The following TAFA2 variants were observed in gnomAD, a reference collection of about 807,000 sequenced individuals.
TAFA2 encodes TAFA chemokine like family member 2, also known as chemokine-like protein TAFA-2.
In TAFA2, 7 loss-of-function variants were observed where a neutral mutation model predicts 18.8. The ratio of observed to expected loss-of-function variants is 0.37; its 90% confidence interval spans 0.21 to 0.70. The LOEUF (loss-of-function observed/expected upper bound fraction) is 0.70, where lower values mean the gene tolerates loss of function less well. Ranked by LOEUF, TAFA2 falls within the 30% of genes least tolerant of loss-of-function variation. The pLI, the probability that TAFA2 is intolerant of heterozygous loss-of-function variation, is 0.53. For missense variants in TAFA2, 122 were observed against 158.1 expected (o/e 0.77, Z 1.23); for synonymous variants, 60 against 54.2 (o/e 1.11, Z -0.47).
At chr12:61,855,763 A>G (rs1873857886) in intron 2 of TAFA2, among the ~76,000 whole-genome samples, 1 of 152,136 alleles carries the variant, frequency 6.6e-6, no homozygotes. Context: ...ATGGCTTATC[A>G]TTGAGGAGAG....
intron 2 of TAFA2, among the ~76,000 whole-genome samples, chr12:61,824,445 T>A (rs551093174): frequency 1.3e-5 from 2 of 152,318 alleles, no homozygotes; most frequent in African/African-American, 4.8e-5. Flanking sequence ...GGTCTCTTCA[T>A]TCCCACATTT....
At chr12:62,254,399 TC>T (rs1405411280) in intron 1 of TAFA2, among the ~76,000 whole-genome samples, 1 of 152,090 alleles carries the variant, frequency 6.6e-6, no homozygotes, top group African/African-American at 2.4e-5. Context: ...CAAATATAGG[TC>T]TTTTTGACTC....
Position 62,055,712 on chromosome 12 carries a change from C to T in TAFA2, c.-2+135547G>A, listed in dbSNP as rs530776036. 1.4e-3 allele frequency among the ~76,000 whole-genome samples: 211 copies of T among 151,980 alleles called. 1 individual carries two copies. The highest frequency in any genetic ancestry group is 2.8e-3 in the Non-Finnish European group (189 of 67,968). ...CAGGTTATAACCTTTTTATAAATCC[C>T]CAGAATCAAAGCAGTGGCTCACAAC... On this transcript the variant is annotated intron_variant, in intron 1 of 4. Transcript: ENST00000416284.
At position 62,132,336 on chromosome 12, in the gene TAFA2, G is replaced by T. The variant is rs11174337; in HGVS notation, c.-2+58923C>A. ...AATGAGTTTCCAGGAGACACTGAGGGTATCTCCCCAGTATCTATTTCCTCT... is the reference window on the plus strand; with the variant it reads ...AATGAGTTTCCAGGAGACACTGAGGTTATCTCCCCAGTATCTATTTCCTCT... On this transcript the variant is annotated intron_variant, in intron 1 of 4. Coordinates refer to ENST00000416284, the MANE Select transcript of TAFA2 (RefSeq NM_178539.5). 9.6e-3 allele frequency among the ~76,000 whole-genome samples: 1,457 copies of T among 151,680 alleles called. 9 individuals carry two copies. Among genetic ancestry groups the T allele is most frequent in the Non-Finnish European group, 0.015 (1,001 of 67,870 alleles).
intron 1 of TAFA2, among the ~76,000 whole-genome samples, chr12:62,097,572 A>C (rs911599675): frequency 6.6e-6 from 1 of 152,192 alleles, no homozygotes; most frequent in Non-Finnish European, 1.5e-5. Flanking sequence ...GCTAGTAAAC[A>C]GTATTGACAT....
At chr12:62,154,908 G>C (rs2464112) in intron 1 of TAFA2, among the ~76,000 whole-genome samples, 147,816 of 152,244 alleles carry the variant, frequency 0.97, 71,888 homozygotes, top group Middle Eastern at 1. Context: ...CCCACTCTCA[G>C]CACTCCTCTT....
chr12:61,930,061 C>T lies in TAFA2; in HGVS notation c.-1-62635G>A, dbSNP rs893809674. ...AGGAGGTCTACCTAATGCTAAATGA[C>T]GAGTTGATGGGCGCAGCACACCAAC... On this transcript the variant is annotated intron_variant, in intron 1 of 4. Transcript: ENST00000416284. Among the ~76,000 whole-genome samples the T allele has an allele frequency of 1.4e-4, 21 of 151,832 alleles. No individual in the cohort carries two copies. In the East Asian group the frequency reaches 1.9e-3, roughly 14 times the overall value.
chr12:61,932,852 C>A (rs1877617270), intron 1 of TAFA2, among the ~76,000 whole-genome samples: 1 of 152,188 alleles, frequency 6.6e-6, no homozygotes, highest in Admixed American at 6.5e-5. Context: ...GAGCTGCCTT[C>A]TTCCTGGCAG....
At chr12:61,799,711 A>C (rs1417052205) in intron 2 of TAFA2, among the ~76,000 whole-genome samples, 2 of 152,058 alleles carry the variant, frequency 1.3e-5, no homozygotes, top group African/African-American at 2.4e-5. Context: ...AGTCCCAGCT[A>C]CTCGGGAGGC....
At chr12:61,930,227 A>T (rs1877500205) in intron 1 of TAFA2, among the ~76,000 whole-genome samples, 2 of 152,144 alleles carry the variant, frequency 1.3e-5, no homozygotes, top group South Asian at 4.1e-4. Flanking sequence ...GTTTACACAA[A>T]ATAGACTTAA....
intron 1 of TAFA2, among the ~76,000 whole-genome samples, chr12:62,082,327 T>C (rs1168238521): frequency 6.6e-6 from 1 of 152,206 alleles, no homozygotes; most frequent in African/African-American, 2.4e-5. Context: ...AATTTCTGGG[T>C]CAAATGGTAT....
chr12:62,070,831 G>T (rs1027069174), intron 1 of TAFA2, among the ~76,000 whole-genome samples: 3 of 151,952 alleles, frequency 2.0e-5, no homozygotes, highest in African/African-American at 7.3e-5. Context: ...GACAGTGTCT[G>T]GTTTATTATA....
At chr12:61,799,985 T>C (rs1164878466) in intron 2 of TAFA2, among the ~76,000 whole-genome samples, 1 of 152,146 alleles carries the variant, frequency 6.6e-6, no homozygotes, top group Admixed American at 6.5e-5. Flanking sequence ...TTTCTTTGAA[T>C]AAAATCAAGT....
intron 1 of TAFA2, among the ~76,000 whole-genome samples, chr12:62,140,663 C>A (rs1197855534): frequency 6.6e-6 from 1 of 152,184 alleles, no homozygotes; most frequent in Non-Finnish European, 1.5e-5. Context: ...ATCCAACCTG[C>A]AACAAATGTC....
intron 2 of TAFA2, among the ~76,000 whole-genome samples, chr12:61,783,776 A>G (rs1870608573): frequency 6.6e-6 from 1 of 151,606 alleles, no homozygotes; most frequent in South Asian, 2.1e-4. Context: ...TCTACTGCAA[A>G]CTATAGAAGT....
At chr12:62,046,342 T>A (rs1881908422) in intron 1 of TAFA2, among the ~76,000 whole-genome samples, 1 of 151,894 alleles carries the variant, frequency 6.6e-6, no homozygotes, top group Non-Finnish European at 1.5e-5. Flanking sequence ...GAAAAAAAGA[T>A]ACCATAAAAG....
At chr12:62,244,042 G>A (rs779530593) in intron 1 of TAFA2, among the ~76,000 whole-genome samples, 5 of 149,608 alleles carry the variant, frequency 3.3e-5, no homozygotes, top group Admixed American at 6.7e-5. Flanking sequence ...CTCCTGCCTT[G>A]ACTTCCCAAA....
In TAFA2 at chr12:62,235,469, A is replaced by G. The variant is rs2062832738; in HGVS notation, c.-130+23294T>C. 2.1e-5 allele frequency: 13 copies of G among 611,786 alleles called. No homozygotes were observed. In the South Asian group the frequency reaches 2.4e-4, roughly 11 times the overall value. The allele number at this position is 611,786 out of a possible 1,614,324, so 37.9% of individuals were successfully genotyped here. A position where few individuals can be genotyped will look rare whatever the true frequency, so the allele number is the denominator to read the frequency against. The stretch of plus-strand genomic sequence containing the variant: ...CTGGTGCGCCGCCTGCCACTGGCTC[A>G]GCTTCCCAGCTTCCTGCTCCTTCTC... On this transcript the variant is annotated intron_variant, in intron 1 of 5. Transcript: ENST00000551619.
At chr12:62,208,533 C>T (rs1281718122) in intron 1 of TAFA2, among the ~76,000 whole-genome samples, 4 of 152,066 alleles carry the variant, frequency 2.6e-5, no homozygotes, top group Admixed American at 1.3e-4. Flanking sequence ...ATTTCTGCAA[C>T]TTGGTAGGCA....
Sources: allele counts gnomAD v4.1 joint callset (sites outside exome capture counted in the v4.1 genomes callset), GRCh38; gene constraint gnomAD v4.1.1; transcripts MANE v1.5; gene names NCBI Gene and HGNC (gene_info 2026-07-23, HGNC 2026-07-21).